USP25: variants seen among roughly 807,000 people sequenced by gnomAD.
USP25 encodes ubiquitin carboxyl-terminal hydrolase 25.
USP25 carries 85 observed loss-of-function variants against 158.5 expected under a neutral mutation model. The observed-to-expected ratio is 0.54, with a 90% confidence interval of 0.45 to 0.64. The LOEUF is 0.64. Ranked by LOEUF, USP25 falls within the 30% of genes least tolerant of loss-of-function variation. The pLI, the probability that USP25 is intolerant of heterozygous loss-of-function variation, is 0.00. For synonymous variants in USP25, 464 were observed against 460.4 expected (o/e 1.01, Z -0.10); for missense variants, 1,242 against 1,327.3 (o/e 0.94, Z 1.00).
In USP25 at chr21:15,820,559, AG is replaced by A. The variant is rs1471177221; in HGVS notation, c.1080+1714del. ...CTGTGATTCCTGCTACCATTTTTCT[AG>A]ATTTGCTGGAGGCTATAGTTTCAAT... is the stretch of plus-strand genomic sequence containing the variant. On this transcript the variant is annotated intron_variant, in intron 10 of 25. Coordinates refer to ENST00000400183, the MANE Select transcript of USP25 (RefSeq NM_001283041.3). 3.9e-5 allele frequency among the ~76,000 whole-genome samples: 6 copies of A among 152,018 alleles called. No individual in the cohort carries two copies. The East Asian group carries it at 1.2e-3, about 29-fold the overall frequency.
intron 3 of USP25, among the ~76,000 whole-genome samples, chr21:15,769,352 C>T (rs1233685656): frequency 6.6e-6 from 1 of 151,996 alleles, no homozygotes; most frequent in Non-Finnish European, 1.5e-5. Context: ...AGTCGTACAC[C>T]TCATGTCTTT....
At chr21:15,749,639 A>C (rs980733533) in intron 1 of USP25, among the ~76,000 whole-genome samples, 1 of 152,238 alleles carries the variant, frequency 6.6e-6, no homozygotes, top group Non-Finnish European at 1.5e-5. Context: ...TTAAATTGGT[A>C]GTGGCTAGAG....
intron 18 of USP25, among the ~76,000 whole-genome samples, chr21:15,846,209 C>A (rs1397801724): frequency 8.1e-6 from 1 of 123,858 alleles, no homozygotes; most frequent in Non-Finnish European, 1.6e-5. Context: ...GTAACCCAGG[C>A]TGGAGTGCAG....
At chr21:15,842,691 TCA>T in intron 18 of USP25, 151 bp downstream of exon 18, 3 of 879,156 alleles carry the variant, frequency 3.4e-6, no homozygotes, top group Non-Finnish European at 5.0e-6. Context: ...GCAAGTCATC[TCA>T]TGCCCAGGCT....
At chr21:15,855,675 G>GCCT (rs2039099552) in intron 20 of USP25, among the ~76,000 whole-genome samples, 1 of 152,166 alleles carries the variant, frequency 6.6e-6, no homozygotes, top group African/African-American at 2.4e-5. Flanking sequence ...TTTCAAGTCA[G>GCCT]TTACACATCC....
intron 17 of USP25, among the ~76,000 whole-genome samples, chr21:15,838,256 G>A (rs749752301): frequency 1.7e-4 from 26 of 151,586 alleles, no homozygotes; most frequent in Non-Finnish European, 4.4e-5. Flanking sequence ...TATATCTCCA[G>A]CATCTAGTAT....
At chr21:15,765,014 T>C (rs1443291666) in intron 2 of USP25, among the ~76,000 whole-genome samples, 1 of 152,072 alleles carries the variant, frequency 6.6e-6, no homozygotes, top group African/African-American at 2.4e-5. Context: ...CTGCCCTTTC[T>C]CTCCTCTAGT....
chr21:15,834,572 CT>C (rs2037968838), intron 17 of USP25, among the ~76,000 whole-genome samples: 1 of 152,056 alleles, frequency 6.6e-6, no homozygotes, highest in Admixed American at 6.6e-5. Flanking sequence ...ATCATTTGAA[CT>C]TTAGAAGGAA....
rs532141398 is a variant in USP25, at chr21:15,821,856, A to G, written c.1081-2183A>G. Among the ~76,000 whole-genome samples the G allele has an allele frequency of 3.3e-5, 5 of 152,092 alleles. 1 individual carries two copies. The highest frequency in any genetic ancestry group is 2.1e-4 in the South Asian group (1 of 4,828). On this transcript the variant is annotated intron_variant, in intron 10 of 25. Transcript: ENST00000400183. ...TATACACTTTAATAGAAAACCAGCT[A>G]TTAAAACTCATAAAAATGACATACT...
At chr21:15,742,911 G>T (rs1445198428) in intron 1 of USP25, among the ~76,000 whole-genome samples, 21 of 152,208 alleles carry the variant, frequency 1.4e-4, no homozygotes, top group Admixed American at 1.4e-3. Context: ...TATACCGCAT[G>T]TGGCTTCCAC....
Position 15,816,805 on chromosome 21 carries a change from A to T in USP25, c.932-1893A>T, listed in dbSNP as rs1237396045. ...CTACCTCAAAACTAAAGAAAAAAAAAATCCTGTGTTCTTACTTAAGTGGTG... is the reference window on the plus strand; with the variant it reads ...CTACCTCAAAACTAAAGAAAAAAAATATCCTGTGTTCTTACTTAAGTGGTG... On this transcript the variant is annotated intron_variant, in intron 9 of 25. Coordinates refer to ENST00000400183, the MANE Select transcript of USP25 (RefSeq NM_001283041.3). The surrounding 1 kb of genome is among the most constrained non-coding windows in gnomAD (Gnocchi z 4.0). Among the ~76,000 whole-genome samples, 1 of 152,150 alleles carries T rather than the reference A, an allele frequency of 6.6e-6. No homozygotes were observed. Among genetic ancestry groups the T allele is most frequent in the African/African-American group, 2.4e-5 (1 of 41,434 alleles).
At chr21:15,828,617 G>T (rs966945533) in intron 14 of USP25, among the ~76,000 whole-genome samples, 9 of 152,188 alleles carry the variant, frequency 5.9e-5, no homozygotes, top group Non-Finnish European at 1.0e-4. Flanking sequence ...GAAATATGAT[G>T]AGTTCTCTTT....
chr21:15,858,470 T>A (rs1601151766), intron 20 of USP25, among the ~76,000 whole-genome samples: 1 of 152,048 alleles, frequency 6.6e-6, no homozygotes, highest in Admixed American at 6.5e-5. Flanking sequence ...ATTTTTTTTT[T>A]AACCAGGTTA....
intron 2 of USP25, among the ~76,000 whole-genome samples, chr21:15,765,096 A>G (rs140710833): frequency 4.8e-4 from 73 of 152,224 alleles, no homozygotes; most frequent in Non-Finnish European, 8.4e-4. Flanking sequence ...AAAACACTCC[A>G]CTGGCTTCTT....
At chr21:15,842,085 T>C (rs2038362301) in intron 17 of USP25, among the ~76,000 whole-genome samples, 2 of 152,176 alleles carry the variant, frequency 1.3e-5, no homozygotes, top group South Asian at 4.1e-4. Context: ...CAAATTCTTT[T>C]GGTAAAATGC....
At chr21:15,773,943 T>G (rs570023763) in intron 3 of USP25, among the ~76,000 whole-genome samples, 1 of 152,344 alleles carries the variant, frequency 6.6e-6, no homozygotes, top group South Asian at 2.1e-4. Context: ...AATGTGCTTC[T>G]GAAGGTTTGC....
chr21:15,755,342 C>T (rs924829500), intron 1 of USP25, among the ~76,000 whole-genome samples: 3 of 152,114 alleles, frequency 2.0e-5, no homozygotes, highest in South Asian at 2.1e-4. Flanking sequence ...AGTCACCCAC[C>T]GCTTAACACA....
At chr21:15,872,735 G>T (rs929195604) in intron 23 of USP25, among the ~76,000 whole-genome samples, 1 of 151,956 alleles carries the variant, frequency 6.6e-6, no homozygotes. Context: ...ACACCTTCAG[G>T]TGTGTAATTT....
intron 7 of USP25, among the ~76,000 whole-genome samples, 199 bp from the exon 8 acceptor site, chr21:15,808,610 A>T (rs1196235292): frequency 2.0e-5 from 3 of 151,724 alleles, no homozygotes; most frequent in African/African-American, 4.8e-5. Context: ...TTATCATATA[A>T]TGCTTGTTTT....
Sources: allele counts gnomAD v4.1 joint callset (sites outside exome capture counted in the v4.1 genomes callset), GRCh38; gene constraint gnomAD v4.1.1; non-coding constraint Gnocchi (gnomAD v3.1); transcripts MANE v1.5; gene names NCBI Gene and HGNC (gene_info 2026-07-23, HGNC 2026-07-21).